Variants in DYNC2LI1 observed in about 807,000 individuals in gnomAD.
DYNC2LI1 encodes dynein cytoplasmic 2 light intermediate chain 1.
A neutral mutation model predicts 51.9 loss-of-function variants in DYNC2LI1; 45 were observed. That is an observed-to-expected ratio of 0.87 (90% confidence interval 0.68 to 1.11). The LOEUF (loss-of-function observed/expected upper bound fraction) is 1.11, where lower values mean the gene tolerates loss of function less well. DYNC2LI1 is among the 50% of genes most tolerant of loss of function. The pLI is 0.00. For missense variants in DYNC2LI1, 490 were observed against 417.4 expected (o/e 1.17, Z -1.51); for synonymous variants, 130 against 137.8 (o/e 0.94, Z 0.40).
chr2:43,808,766 A>G (rs1572727326), intron 12 of DYNC2LI1, among the ~76,000 whole-genome samples: 1 of 152,142 alleles, frequency 6.6e-6, no homozygotes, highest in East Asian at 1.9e-4. Flanking sequence ...TCATGTGGCC[A>G]CTGTTATTTT....
intron 12 of DYNC2LI1, among the ~76,000 whole-genome samples, chr2:43,809,031 C>T (rs1246202622): frequency 6.6e-6 from 1 of 152,032 alleles, no homozygotes; most frequent in Admixed American, 6.6e-5. Context: ...CTCTGTCACC[C>T]AGGCTGGAGT....
Position 43,793,514 on chromosome 2 carries a change from G to A in DYNC2LI1, c.321-943G>A, listed in dbSNP as rs534554882. On this transcript the variant is annotated intron_variant, in intron 5 of 12. Transcript: ENST00000260605. ...ATGTTTTGACAATAGCTAGCCTAAT[G>A]GATAGGAAGTTGGACATCTTTTCAT... 10 of 152,030 alleles carry A rather than the reference G, an allele frequency of 6.6e-5. No individual in the cohort carries two copies. In the East Asian group the frequency reaches 1.7e-3, roughly 26 times the overall value. The allele number at this position is 152,030 out of a possible 1,614,324, so 9.4% of individuals were successfully genotyped here.
At chr2:43,817,392 G>A in the DYNC2LI1 span, among the ~76,000 whole-genome samples, 1 of 152,174 alleles carries the variant, frequency 6.6e-6, no homozygotes, top group Non-Finnish European at 1.5e-5. Flanking sequence ...GGCTAAGGCA[G>A]GAGAATTGCT....
intron 11 of DYNC2LI1, 26 bp downstream of exon 11, chr2:43,804,765 G>GT: frequency 1.3e-6 from 2 of 1,499,250 alleles, no homozygotes; most frequent in Non-Finnish European, 1.8e-6. Context: ...TTTTTTAAAA[G>GT]CAAGACTTTT....
intron 11 of DYNC2LI1, 40 bp from the exon 12 acceptor site, chr2:43,805,114 G>C (rs1215955644): frequency 1.4e-6 from 2 of 1,409,884 alleles, no homozygotes; most frequent in Non-Finnish European, 2.0e-6. Context: ...TTGAATTTTG[G>C]TTTATGGGCG....
At chr2:43,791,884 G>C (rs1673811533) in intron 5 of DYNC2LI1, among the ~76,000 whole-genome samples, 2 of 151,868 alleles carry the variant, frequency 1.3e-5, no homozygotes, top group Admixed American at 6.6e-5. Context: ...AAATTTTTTG[G>C]CTATCATTTG....
intron 10 of DYNC2LI1, among the ~76,000 whole-genome samples, chr2:43,802,377 T>G (rs1558695062): frequency 6.6e-6 from 1 of 151,282 alleles, no homozygotes; most frequent in Non-Finnish European, 1.5e-5. Flanking sequence ...CAGTAGGGTT[T>G]TTTTTTTTTT....
chr2:43,789,332 A>G (rs77684065), intron 4 of DYNC2LI1, among the ~76,000 whole-genome samples: 3,279 of 152,346 alleles, frequency 0.022, 119 homozygotes, highest in African/African-American at 0.073. Flanking sequence ...TAAAATCTGC[A>G]TAAGTATATG....
At chr2:43,797,236 C>T (rs749641688) in intron 8 of DYNC2LI1, among the ~76,000 whole-genome samples, 8 of 152,066 alleles carry the variant, frequency 5.3e-5, no homozygotes, top group South Asian at 2.1e-4. Context: ...TCCCTGGGTT[C>T]GAATCTCAGA....
At chr2:43,778,740 C>T (rs892086747) in intron 2 of DYNC2LI1, among the ~76,000 whole-genome samples, 1 of 152,126 alleles carries the variant, frequency 6.6e-6, no homozygotes, top group East Asian at 1.9e-4. Context: ...CCTCTTAGCG[C>T]TCTCTGTAAC....
At chr2:43,822,493 C>G in the DYNC2LI1 span, 1 of 922,882 alleles carries the variant, frequency 1.1e-6, no homozygotes, top group South Asian at 5.3e-5. Context: ...CCCCCATGCA[C>G]CTGGGTCCTA....
chr2:43,785,315 A>T (rs1049967999), intron 3 of DYNC2LI1, among the ~76,000 whole-genome samples: 2 of 152,168 alleles, frequency 1.3e-5, no homozygotes, highest in Non-Finnish European at 2.9e-5. Flanking sequence ...ATAAAATAGG[A>T]AAGTAAAATA....
downstream of DYNC2LI1, chr2:43,813,264 G>T: frequency 6.2e-7 from 1 of 1,613,952 alleles, no homozygotes; most frequent in Non-Finnish European, 8.5e-7. Flanking sequence ...AATTCCTTGA[G>T]TGAAGGCACA....
intron 1 of DYNC2LI1, among the ~76,000 whole-genome samples, chr2:43,774,971 T>C (rs1672944148): frequency 6.6e-6 from 1 of 152,186 alleles, no homozygotes; most frequent in Admixed American, 6.5e-5. Context: ...GTGAAATAAA[T>C]GCATGAATTT....
intron 8 of DYNC2LI1, 50 bp from the exon 9 acceptor site, chr2:43,800,791 C>A: frequency 9.7e-7 from 1 of 1,027,308 alleles, no homozygotes; most frequent in Non-Finnish European, 1.4e-6. Context: ...TTACCTGTTT[C>A]TGTGATTGGA....
At chr2:43,780,043 G>A (rs1464072664) in intron 2 of DYNC2LI1, among the ~76,000 whole-genome samples, 1 of 152,230 alleles carries the variant, frequency 6.6e-6, no homozygotes, top group Non-Finnish European at 1.5e-5. Flanking sequence ...TGGAAAAGGA[G>A]AAAAGTGAAG....
downstream of DYNC2LI1, among the ~76,000 whole-genome samples, chr2:43,811,708 C>T (rs977668682): frequency 4.0e-5 from 6 of 151,874 alleles, no homozygotes; most frequent in African/African-American, 1.5e-4. Flanking sequence ...GATTCTCCTG[C>T]CTCAGCCTCC....
chr2:43,788,462 T>G (rs1164376119), intron 4 of DYNC2LI1, among the ~76,000 whole-genome samples: 1 of 152,164 alleles, frequency 6.6e-6, no homozygotes, highest in East Asian at 1.9e-4. Flanking sequence ...CATCATGTCT[T>G]TCTCAGATTT....
intron 2 of DYNC2LI1, among the ~76,000 whole-genome samples, chr2:43,782,011 A>ATGTGTGTG (rs72178749): frequency 7.4e-5 from 11 of 148,650 alleles, no homozygotes; most frequent in African/African-American, 2.2e-4. Context: ...GTTTCTGTCT[A>ATGTGTGTG]TGTGTGTGTG....
Sources: allele counts gnomAD v4.1 joint callset (sites outside exome capture counted in the v4.1 genomes callset), GRCh38; gene constraint gnomAD v4.1.1; transcripts MANE v1.5; gene names NCBI Gene and HGNC (gene_info 2026-07-23, HGNC 2026-07-21).